STT3B: variants seen among roughly 807,000 people sequenced by gnomAD.
STT3B encodes the protein STT3 oligosaccharyltransferase complex catalytic subunit B.
Under a neutral mutation model 96.8 loss-of-function variants are expected in STT3B, and 29 were observed. The ratio of observed to expected loss-of-function variants is 0.30; its 90% CI spans 0.22 to 0.41. STT3B has a LOEUF of 0.41. Ranked by LOEUF, STT3B falls within the 10% of genes least tolerant of loss-of-function variation. The pLI is 1.00. For synonymous variants in STT3B, 367 were observed against 360.0 expected (o/e 1.02, Z -0.22); for missense variants, 640 against 1,022.3 (o/e 0.63, Z 5.10).
chr3:31,544,927 A>G (rs922178237), intron 1 of STT3B, among the ~76,000 whole-genome samples: 2 of 151,668 alleles, frequency 1.3e-5, no homozygotes, highest in African/African-American at 4.9e-5. Context: ...ACAGAGCAAG[A>G]CTCTGTCTCA....
chr3:31,576,371 A>G (rs1181981778), intron 1 of STT3B, 25 bp from the exon 2 acceptor site: 1 of 1,406,818 alleles, frequency 7.1e-7, no homozygotes, highest in African/African-American at 1.4e-5. Context: ...GTTTTATAAC[A>G]TTTCTTTTTA....
At chr3:31,583,886 T>G (rs752904755) in intron 3 of STT3B, among the ~76,000 whole-genome samples, 19 of 152,214 alleles carry the variant, frequency 1.2e-4, no homozygotes, top group Non-Finnish European at 2.6e-4. Flanking sequence ...GCCTTTTCAC[T>G]CTGGATAGTG....
intron 1 of STT3B, among the ~76,000 whole-genome samples, chr3:31,537,259 C>G (rs984920294): frequency 2.0e-5 from 3 of 152,174 alleles, no homozygotes; most frequent in African/African-American, 7.2e-5. Context: ...GGACTACTTC[C>G]TGTACTTTGA....
chr3:31,572,070 AAT>A (rs1698169028), intron 1 of STT3B, among the ~76,000 whole-genome samples: 1 of 103,996 alleles, frequency 9.6e-6, no homozygotes, highest in Non-Finnish European at 2.0e-5. Flanking sequence ...TAATATATTA[AAT>A]ATATTAATAT....
In STT3B at chr3:31,576,392, C is replaced by A; in HGVS notation, c.315-4C>A. 6.5e-7 allele frequency: 1 copy of A among 1,535,118 alleles called. No individual in the cohort carries two copies. The highest frequency in any genetic ancestry group is 1.2e-5 in the South Asian group (1 of 82,874). ...TAACATTTCTTTTTATCTCTTTTCT[C>A]TAGGTTTAACTATAGATCAACACAT... On this transcript the variant is annotated splice_polypyrimidine_tract_variant and splice_region_variant and intron_variant, in intron 1 of 15. Transcript: ENST00000295770.
rs1022951738 is a variant in STT3B at position 31,636,794 on chromosome 3, A to G, written c.*730A>G. Reference sequence around the variant, plus strand: ...TCATTCATTCAAGGGCTAAATTTATATTTTTTGGAAATCATGGCAACTACA... The same window carrying G: ...TCATTCATTCAAGGGCTAAATTTATGTTTTTTGGAAATCATGGCAACTACA... On this transcript the variant is annotated 3_prime_UTR_variant, in exon 16 of 16. Coordinates refer to ENST00000295770, the MANE Select transcript of STT3B (RefSeq NM_178862.3). 7 of 152,114 alleles carry G rather than the reference A, an allele frequency of 4.6e-5. No individual in the cohort carries two copies. The highest frequency in any genetic ancestry group is 1.7e-4 in the African/African-American group (7 of 41,434). The allele number at this position is 152,114 out of a possible 1,614,324, so 9.4% of individuals were successfully genotyped here. A position where few individuals can be genotyped will look rare whatever the true frequency, so the allele number is the denominator to read the frequency against.
At chr3:31,587,031 T>C (rs530371284) in intron 3 of STT3B, among the ~76,000 whole-genome samples, 2 of 152,252 alleles carry the variant, frequency 1.3e-5, no homozygotes, top group East Asian at 3.9e-4. Context: ...TAGATCTTCT[T>C]CATTTTTGCT....
chr3:31,533,026 A>C lies in STT3B; in HGVS notation c.28A>C (p.Lys10Gln). 6.3e-7 allele frequency: 1 copy of C among 1,588,668 alleles called. No homozygotes were observed. The highest frequency in any genetic ancestry group is 8.6e-7 in the Non-Finnish European group (1 of 1,169,002). ...GGCGGAGCCCTCGGCCCCGGAGAGC[A>C]AGCACAAGTCGTCCCTCAACTCGTC... is the stretch of plus-strand genomic sequence containing the variant. Reference protein sequence around the residue: MAEPSAPESKHKSSLNSSPW... With the variant: MAEPSAPESQHKSSLNSSPW... The change falls in exon 1 of 16, where the codon AAG (lysine) becomes CAG (glutamine). Residue 10 changes from lysine to glutamine, a missense_variant. Coordinates refer to ENST00000295770, the MANE Select transcript of STT3B (RefSeq NM_178862.3).
chr3:31,534,466 C>A (rs974325950), intron 1 of STT3B, among the ~76,000 whole-genome samples: 2 of 152,292 alleles, frequency 1.3e-5, no homozygotes, highest in African/African-American at 4.8e-5. Flanking sequence ...TCTTATTGAC[C>A]TGTCAACCTT....
chr3:31,564,334 AC>A (rs1232376857), intron 1 of STT3B, among the ~76,000 whole-genome samples: 4 of 152,148 alleles, frequency 2.6e-5, no homozygotes, highest in Non-Finnish European at 2.9e-5. Flanking sequence ...TATACCAGGC[AC>A]CGTCCTTGGT....
intron 1 of STT3B, among the ~76,000 whole-genome samples, chr3:31,540,247 T>A (rs932651365): frequency 7.9e-5 from 12 of 152,112 alleles, no homozygotes; most frequent in African/African-American, 2.9e-4. Flanking sequence ...TGGAATTATT[T>A]AAAAAAATTG....
intron 1 of STT3B, among the ~76,000 whole-genome samples, chr3:31,574,350 G>A (rs1326446040): frequency 6.6e-6 from 1 of 151,988 alleles, no homozygotes; most frequent in Non-Finnish European, 1.5e-5. Flanking sequence ...TTAATTTCTT[G>A]TCTTGGGAAT....
chr3:31,628,967 G>T (rs905658140), intron 13 of STT3B, among the ~76,000 whole-genome samples: 1 of 152,112 alleles, frequency 6.6e-6, no homozygotes, highest in East Asian at 1.9e-4. Flanking sequence ...TTATTTGGGC[G>T]TGGTGCCGTG....
At chr3:31,537,158 C>G (rs1187064873) in intron 1 of STT3B, among the ~76,000 whole-genome samples, 1 of 152,154 alleles carries the variant, frequency 6.6e-6, no homozygotes, top group Non-Finnish European at 1.5e-5. Flanking sequence ...TGCAATTTTT[C>G]CGAAGAAACT....
At chr3:31,535,776 C>G (rs191619931) in intron 1 of STT3B, among the ~76,000 whole-genome samples, 149 of 152,304 alleles carry the variant, frequency 9.8e-4, no homozygotes, top group Non-Finnish European at 1.7e-3. Context: ...AAACGCATTT[C>G]TGACACATTA....
Position 31,633,161 on chromosome 3 carries a change from G to T in STT3B, c.2400+14G>T. 1.2e-6 allele frequency: 2 copies of T among 1,610,560 alleles called. No homozygotes were observed. The highest frequency in any genetic ancestry group is 1.1e-5 in the South Asian group (1 of 90,706). Reference sequence around the variant, plus strand: ...TTGTCAAAGAAGGTGGGTGCCAAGTGAAGGCATTAAAGGGTAACTTAAGGT... The same window carrying T: ...TTGTCAAAGAAGGTGGGTGCCAAGTTAAGGCATTAAAGGGTAACTTAAGGT... On this transcript the variant is annotated intron_variant, in intron 15 of 15. Transcript: ENST00000295770.
chr3:31,622,093 G>C lies in STT3B; in HGVS notation c.1328-4G>C, dbSNP rs2125475741. On this transcript the variant is annotated splice_region_variant and splice_polypyrimidine_tract_variant and intron_variant, in intron 9 of 15. Transcript: ENST00000295770. Reference sequence around the variant, plus strand: ...ACATATTGTAAGAGAATTTGTCTTTGCAGTTGCTCTATATGCAATCAGTGC... The same window carrying C: ...ACATATTGTAAGAGAATTTGTCTTTCCAGTTGCTCTATATGCAATCAGTGC... 6.2e-7 allele frequency: 1 copy of C among 1,611,880 alleles called. No individual in the cohort carries two copies. The highest frequency in any genetic ancestry group is 8.5e-7 in the Non-Finnish European group (1 of 1,178,004).
intron 1 of STT3B, among the ~76,000 whole-genome samples, chr3:31,545,855 G>A (rs1697399114): frequency 6.9e-6 from 1 of 144,542 alleles, no homozygotes; most frequent in Non-Finnish European, 1.5e-5. Flanking sequence ...TATCGTTAGT[G>A]TATTTTATGT....
intron 1 of STT3B, among the ~76,000 whole-genome samples, chr3:31,570,821 A>G (rs1698118474): frequency 6.6e-6 from 1 of 152,146 alleles, no homozygotes; most frequent in African/African-American, 2.4e-5. Context: ...ATGTAAGGAA[A>G]GGAGTAGGGG....
Sources: allele counts gnomAD v4.1 joint callset (sites outside exome capture counted in the v4.1 genomes callset), GRCh38; gene constraint gnomAD v4.1.1; transcripts MANE v1.5; gene names NCBI Gene and HGNC (gene_info 2026-07-23, HGNC 2026-07-21).